Variants in ROBO2 observed in about 807,000 individuals in gnomAD.
ROBO2 encodes the protein roundabout guidance receptor 2.
In ROBO2, 53 loss-of-function variants were observed where a neutral mutation model predicts 160.8. The ratio of observed to expected loss-of-function variants is 0.33; its 90% CI spans 0.26 to 0.41. ROBO2 has a LOEUF of 0.41. Among genes scored for constraint, ROBO2 ranks in the 10% least tolerant of loss-of-function variants. The pLI is 1.00. For missense variants in ROBO2, 1,577 were observed against 1,722.4 expected, an observed-to-expected ratio of 0.92 and a Z score of 1.49; for synonymous variants, 664 against 611.7, an observed-to-expected ratio of 1.09 and a Z score of -1.26.
intron 2 of ROBO2, among the ~76,000 whole-genome samples, chr3:76,589,696 A>C (rs1290200638): frequency 1.3e-5 from 2 of 152,140 alleles, no homozygotes; most frequent in Non-Finnish European, 2.9e-5. Context: ...TTTTTTCCTC[A>C]ACTGTTTAGT....
intron 19 of ROBO2, among the ~76,000 whole-genome samples, chr3:77,597,669 T>C (rs2094338316): frequency 6.6e-6 from 1 of 152,012 alleles, no homozygotes; most frequent in Non-Finnish European, 1.5e-5. Context: ...GAATATTATT[T>C]AAGTTGATAC....
At chr3:77,355,647 C>T (rs1422375323) in intron 2 of ROBO2, among the ~76,000 whole-genome samples, 1 of 152,004 alleles carries the variant, frequency 6.6e-6, no homozygotes, top group African/African-American at 2.4e-5. Flanking sequence ...AATTTCAAAA[C>T]ATTTAATACT....
intron 2 of ROBO2, among the ~76,000 whole-genome samples, chr3:76,741,049 A>G (rs1328095272): frequency 6.6e-6 from 1 of 152,056 alleles, no homozygotes; most frequent in East Asian, 1.9e-4. Flanking sequence ...GATGTTTACT[A>G]TAATCTTTTC....
At chr3:77,212,828 A>G (rs1403219627) in intron 2 of ROBO2, among the ~76,000 whole-genome samples, 3 of 152,180 alleles carry the variant, frequency 2.0e-5, no homozygotes, top group African/African-American at 4.8e-5. Flanking sequence ...ATCTATTGAG[A>G]TAATCATATG....
intron 2 of ROBO2, among the ~76,000 whole-genome samples, chr3:76,716,860 ATCCTTTTGAAGAACTAACATCC>A (rs2093388429): frequency 6.6e-6 from 1 of 152,128 alleles, no homozygotes; most frequent in African/African-American, 2.4e-5. Context: ...ACTCTAGCAA[ATCCTTTTGAAGAACTAACATCC>A]TCCTGTTTAA....
intron 2 of ROBO2, among the ~76,000 whole-genome samples, chr3:76,533,583 G>T (rs956365411): frequency 6.6e-6 from 1 of 152,178 alleles, no homozygotes. Flanking sequence ...CTTGTCACAC[G>T]AGTCCGTATA....
intron 2 of ROBO2, among the ~76,000 whole-genome samples, chr3:76,612,767 C>T (rs7649725): frequency 0.045 from 6,851 of 152,114 alleles, 422 homozygotes; most frequent in African/African-American, 0.14. Context: ...CTGTGTTGGA[C>T]GAATACATAT....
chr3:76,273,894 G>T (rs1301057628), intron 2 of ROBO2, among the ~76,000 whole-genome samples: 2 of 152,088 alleles, frequency 1.3e-5, no homozygotes, highest in Non-Finnish European at 2.9e-5. Context: ...AGCTCTGGAG[G>T]CTGGAACATC....
At chr3:76,491,212 G>A (rs1356622287) in intron 2 of ROBO2, among the ~76,000 whole-genome samples, 1 of 151,998 alleles carries the variant, frequency 6.6e-6, no homozygotes, top group African/African-American at 2.4e-5. Context: ...ACCTCCCAAA[G>A]TGCTGGGATT....
chr3:77,396,688 A>G (rs1200765618), intron 2 of ROBO2, among the ~76,000 whole-genome samples: 2 of 152,170 alleles, frequency 1.3e-5, no homozygotes, highest in African/African-American at 4.8e-5. Flanking sequence ...TGTCTCAGTC[A>G]TGAAAGTCTG....
chr3:76,192,722 T>C (rs1301352766), intron 2 of ROBO2, among the ~76,000 whole-genome samples: 1 of 152,168 alleles, frequency 6.6e-6, no homozygotes, highest in African/African-American at 2.4e-5. Context: ...AACTTCAATT[T>C]ATGTTGGTAC....
intron 2 of ROBO2, among the ~76,000 whole-genome samples, chr3:76,841,119 G>A (rs1202770827): frequency 6.6e-6 from 1 of 152,134 alleles, no homozygotes; most frequent in Non-Finnish European, 1.5e-5. Context: ...TCTCCAACAT[G>A]CTAAAAACAA....
At chr3:76,418,324 A>ACCC (rs112050284) in intron 2 of ROBO2, among the ~76,000 whole-genome samples, 3 of 151,100 alleles carry the variant, frequency 2.0e-5, no homozygotes, top group African/African-American at 7.3e-5. Flanking sequence ...GCTCACTACA[A>ACCC]CCTCATCCTG....
chr3:77,336,303 C>A (rs1050009675), intron 2 of ROBO2, among the ~76,000 whole-genome samples: 1 of 152,074 alleles, frequency 6.6e-6, no homozygotes, highest in Non-Finnish European at 1.5e-5. Context: ...TGAAAAGGAC[C>A]TCTCAGGTTC....
Position 77,622,213 on chromosome 3 carries a change from C to A in ROBO2, c.3555-14C>A. On this transcript the variant is annotated splice_polypyrimidine_tract_variant and intron_variant, in intron 22 of 25. Coordinates refer to ENST00000461745, the Ensembl canonical transcript of ROBO2. ...TAAGTTGCTTTTCTTTTTTAAATTTCATTTGAATTCTAGGCACATTCAAAG... is the reference window on the plus strand; with the variant it reads ...TAAGTTGCTTTTCTTTTTTAAATTTAATTTGAATTCTAGGCACATTCAAAG... 6.2e-7 allele frequency: 1 copy of A among 1,608,366 alleles called. No homozygotes were observed.
At chr3:76,189,931 C>G (rs1701931503) in intron 2 of ROBO2, among the ~76,000 whole-genome samples, 1 of 152,104 alleles carries the variant, frequency 6.6e-6, no homozygotes, top group African/African-American at 2.4e-5. Flanking sequence ...ATGCCTGTCT[C>G]CAGAGCTTCA....
At chr3:76,685,292 C>G (rs1043957038) in intron 2 of ROBO2, among the ~76,000 whole-genome samples, 4 of 150,020 alleles carry the variant, frequency 2.7e-5, no homozygotes, top group African/African-American at 9.8e-5. Flanking sequence ...AATGGGGACT[C>G]AAGAAAAAGA....
At chr3:76,228,163 C>T (rs747174327) in intron 2 of ROBO2, among the ~76,000 whole-genome samples, 20 of 152,046 alleles carry the variant, frequency 1.3e-4, no homozygotes, top group Admixed American at 6.6e-5. Flanking sequence ...TGGCAGTCTA[C>T]CAAAGGATTC....
intron 2 of ROBO2, among the ~76,000 whole-genome samples, chr3:77,168,230 A>C (rs2079284929): frequency 6.6e-6 from 1 of 152,186 alleles, no homozygotes; most frequent in Non-Finnish European, 1.5e-5. Flanking sequence ...TACATGACGA[A>C]GTCAGTGGCA....
Sources: allele counts gnomAD v4.1 joint callset (sites outside exome capture counted in the v4.1 genomes callset), GRCh38; gene constraint gnomAD v4.1.1; transcripts MANE v1.5; gene names NCBI Gene and HGNC (gene_info 2026-07-23, HGNC 2026-07-21).